The following RSPH14 variants were observed in gnomAD, a reference collection of about 807,000 sequenced individuals.
The protein encoded by RSPH14 is rhabdoid tumor deletion region gene 1.
Under a neutral mutation model 26.7 loss-of-function variants are expected in RSPH14, and 20 were observed. The observed-to-expected ratio is 0.75, with a 90% CI of 0.53 to 1.09. The LOEUF (loss-of-function observed/expected upper bound fraction) is 1.09, where lower values mean the gene tolerates loss of function less well. RSPH14 is among the 50% of genes least tolerant of loss of function. The probability of loss-of-function intolerance (pLI) is 0.00; values close to 1 mark genes in which losing one functional copy is unlikely to be tolerated. For synonymous variants in RSPH14, 177 were observed against 189.3 expected, an observed-to-expected ratio of 0.93 and a Z score of 0.53; for missense variants, 449 against 457.2, an observed-to-expected ratio of 0.98 and a Z score of 0.16.
chr22:23,096,482 G>A lies in RSPH14; in HGVS notation c.422-32349C>T. 4 of 1,508,364 alleles carry A rather than the reference G, an allele frequency of 2.7e-6. No homozygotes were observed. The Admixed American group carries it at 7.1e-5, about 27-fold the overall frequency. The allele number at this position is 1,508,364 out of a possible 1,614,324, so 93.4% of individuals were successfully genotyped here. On this transcript the variant is annotated intron_variant, in intron 4 of 6. Transcript: ENST00000216036. ...TGTCGTGGGTTCCTGGAAGCAAGAGGACTCGTGAGGTCCAGGACAGTCTGC... is the reference window on the plus strand; with the variant it reads ...TGTCGTGGGTTCCTGGAAGCAAGAGAACTCGTGAGGTCCAGGACAGTCTGC...
chr22:23,088,314 T>C (rs2068870771), intron 4 of RSPH14, among the ~76,000 whole-genome samples: 1 of 152,142 alleles, frequency 6.6e-6, no homozygotes, highest in Non-Finnish European at 1.5e-5. Flanking sequence ...GGCTTGGGGT[T>C]GGAGCCTTAC....
intron 4 of RSPH14, among the ~76,000 whole-genome samples, chr22:23,079,947 G>A (rs1425299909): frequency 2.0e-5 from 3 of 152,188 alleles, no homozygotes; most frequent in African/African-American, 7.2e-5. Flanking sequence ...AGGGCAGGAG[G>A]TTGCAGGGCC....
At chr22:23,119,778 T>A (rs2069958796) in intron 4 of RSPH14, among the ~76,000 whole-genome samples, 1 of 152,196 alleles carries the variant, frequency 6.6e-6, no homozygotes, top group Non-Finnish European at 1.5e-5. Context: ...GGTTGGTGCC[T>A]CCTGCAGGCT....
chr22:23,062,238 ACAGCAGGACC>A (rs1157125197), intron 5 of RSPH14, among the ~76,000 whole-genome samples: 1 of 152,210 alleles, frequency 6.6e-6, no homozygotes, highest in African/African-American at 2.4e-5. Flanking sequence ...AAAATGGGGA[ACAGCAGGACC>A]CAGGGGTGTC....
intron 4 of RSPH14, among the ~76,000 whole-genome samples, chr22:23,088,417 C>T (rs1337670053): frequency 6.6e-6 from 1 of 152,204 alleles, no homozygotes; most frequent in Non-Finnish European, 1.5e-5. Flanking sequence ...CTCCTCCCTC[C>T]CCAGACCAGC....
chr22:23,166,739 C>T, the RSPH14 span, among the ~76,000 whole-genome samples: 4 of 152,170 alleles, frequency 2.6e-5, no homozygotes, highest in Non-Finnish European at 2.9e-5. Flanking sequence ...GTGCTCTACA[C>T]CTTGGATCCC....
intron 4 of RSPH14, among the ~76,000 whole-genome samples, chr22:23,083,522 G>A (rs775080335): frequency 1.1e-4 from 17 of 152,154 alleles, no homozygotes; most frequent in African/African-American, 2.7e-4. Context: ...TCTGTTCTGC[G>A]AATCTTTCAC....
At chr22:23,171,850 A>C in the RSPH14 span, among the ~76,000 whole-genome samples, 3 of 141,578 alleles carry the variant, frequency 2.1e-5, no homozygotes, top group Non-Finnish European at 4.6e-5. Context: ...CTCAAAAAAA[A>C]AAAACAAAAA....
chr22:23,088,596 T>G (rs1405849979), intron 4 of RSPH14, among the ~76,000 whole-genome samples: 1 of 152,028 alleles, frequency 6.6e-6, no homozygotes, highest in African/African-American at 2.4e-5. Flanking sequence ...ACAGGGTGAG[T>G]GGCAGGTAGG....
At chr22:23,123,341 C>T (rs550005555) in intron 4 of RSPH14, 25 of 1,613,926 alleles carry the variant, frequency 1.5e-5, no homozygotes, top group Middle Eastern at 1.6e-4. Flanking sequence ...ACTTCACCTG[C>T]GCCACCGACA....
At chr22:23,133,631 C>A (rs1187746708) in intron 4 of RSPH14, among the ~76,000 whole-genome samples, 2 of 152,084 alleles carry the variant, frequency 1.3e-5, no homozygotes, top group Admixed American at 1.3e-4. Context: ...GCACTGTCGC[C>A]CGGGCTAGAG....
intron 4 of RSPH14, chr22:23,096,516 A>G (rs1206069102): frequency 1.6e-6 from 2 of 1,286,492 alleles, no homozygotes; most frequent in East Asian, 4.6e-5. Context: ...GCAGCCAGAA[A>G]GGGAACCAGG....
At chr22:23,115,446 G>T (rs1175478005) in intron 4 of RSPH14, among the ~76,000 whole-genome samples, 2 of 152,216 alleles carry the variant, frequency 1.3e-5, no homozygotes, top group Non-Finnish European at 2.9e-5. Flanking sequence ...GACAAGACCA[G>T]TGTCCCTGAG....
Position 23,140,490 on chromosome 22 carries a change from G to T in RSPH14, c.-52-18C>A, listed in dbSNP as rs183817591. ...ACCACTCACTAAAAGAGACCAAAAA[G>T]CTGTCATTATTTCTATTATGATTTA... On this transcript the variant is annotated intron_variant, in intron 1 of 6. Coordinates refer to ENST00000216036, the MANE Select transcript of RSPH14 (RefSeq NM_014433.3). The T allele has an allele frequency of 9.4e-5, 146 of 1,555,474 alleles. No homozygotes were observed. In the African/African-American group the frequency reaches 1.8e-3, roughly 20 times the overall value.
the RSPH14 span, chr22:23,153,139 G>C: frequency 4.3e-6 from 7 of 1,611,836 alleles, no homozygotes; most frequent in Admixed American, 1.7e-5. Context: ...CCAGATGTAA[G>C]TTGCTGGTTC....
the RSPH14 span, among the ~76,000 whole-genome samples, chr22:23,160,351 G>C: frequency 6.6e-6 from 1 of 152,226 alleles, no homozygotes; most frequent in East Asian, 1.9e-4. Context: ...CAGGTTGCTG[G>C]CTGCACAAGG....
the RSPH14 span, chr22:23,161,099 T>C: frequency 7.1e-7 from 1 of 1,401,118 alleles, no homozygotes; most frequent in Non-Finnish European, 9.7e-7. Flanking sequence ...TTCCTGAACT[T>C]GTGGCCCTCT....
chr22:23,170,590 G>A, the RSPH14 span, among the ~76,000 whole-genome samples: 31 of 151,814 alleles, frequency 2.0e-4, no homozygotes, highest in Non-Finnish European at 3.2e-4. Flanking sequence ...CAAATTAGCC[G>A]GGCGTGGTGG....
At chr22:23,146,638 T>C, upstream of RSPH14, 2 of 1,614,044 alleles carry the variant, frequency 1.2e-6, no homozygotes, top group Non-Finnish European at 1.7e-6. Flanking sequence ...CCTGACACCT[T>C]TGGGGCCCCC....
Sources: allele counts gnomAD v4.1 joint callset (sites outside exome capture counted in the v4.1 genomes callset), GRCh38; gene constraint gnomAD v4.1.1; transcripts MANE v1.5; gene names NCBI Gene and HGNC (gene_info 2026-07-23, HGNC 2026-07-21).